Variants in SNW1 observed in about 807,000 individuals in gnomAD.
The protein encoded by SNW1 is SNW domain-containing protein 1.
SNW1 carries 9 observed loss-of-function variants against 75.6 expected under a neutral mutation model. The observed-to-expected ratio is 0.12, with a 90% CI of 0.07 to 0.21. SNW1 has a LOEUF of 0.21. SNW1 is among the 10% of genes least tolerant of loss of function. The pLI, the probability that SNW1 is intolerant of heterozygous loss-of-function variation, is 1.00. For synonymous variants in SNW1, 200 were observed against 219.1 expected, an observed-to-expected ratio of 0.91 and a Z score of 0.77; for missense variants, 409 against 670.9, an observed-to-expected ratio of 0.61 and a Z score of 4.31.
At chr14:77,755,450 ACT>A (rs2080836597) in intron 1 of SNW1, among the ~76,000 whole-genome samples, 1 of 151,678 alleles carries the variant, frequency 6.6e-6, no homozygotes, top group South Asian at 2.1e-4. Context: ...AAAGAGTCTC[ACT>A]CTGTTGCCCA....
intron 3 of SNW1, among the ~76,000 whole-genome samples, chr14:77,749,773 A>G (rs996979431): frequency 2.0e-5 from 3 of 152,234 alleles, no homozygotes; most frequent in Admixed American, 6.5e-5. Context: ...TGACAAGAAA[A>G]ACAAGCACAT....
chr14:77,747,383 C>T (rs2080769169), intron 3 of SNW1, among the ~76,000 whole-genome samples: 1 of 151,600 alleles, frequency 6.6e-6, no homozygotes, highest in Non-Finnish European at 1.5e-5. Context: ...CGCCCATCGT[C>T]TGGGATGTGA....
Position 77,718,079 on chromosome 14 carries a change from G to A in SNW1, c.*9C>T, listed in dbSNP as rs2080504065. The A allele has an allele frequency of 6.4e-7, 1 of 1,561,750 alleles. No homozygotes were observed. Among genetic ancestry groups the A allele is most frequent in the Admixed American group, 2.0e-5 (1 of 51,180 alleles). ...GGTAAGAGTTCATTCACTTTGGAGA[G>A]ACCTGTGCCTATTCCTTCCTCCTCT... is the stretch of plus-strand genomic sequence containing the variant. On this transcript the variant is annotated 3_prime_UTR_variant, in exon 14 of 14. Transcript: ENST00000261531.
chr14:77,725,199 T>C (rs2080575557), intron 10 of SNW1, among the ~76,000 whole-genome samples: 1 of 152,354 alleles, frequency 6.6e-6, no homozygotes, highest in African/African-American at 2.4e-5. Context: ...GATTATCTCG[T>C]TTCTTTGCGA....
chr14:77,736,399 CT>C (rs1331875895), intron 6 of SNW1, among the ~76,000 whole-genome samples: 1 of 151,832 alleles, frequency 6.6e-6, no homozygotes, highest in East Asian at 1.9e-4. Flanking sequence ...AATACAAAAA[CT>C]TAGCTGGGCA....
chr14:77,760,763 A>C, intron 1 of SNW1: 1 of 703,728 alleles, frequency 1.4e-6, no homozygotes, highest in Non-Finnish European at 2.6e-6. Context: ...CGCCCAAATA[A>C]GCCACTACCG....
rs534565504 is a variant in SNW1, at chr14:77,730,938, T to C, written c.1033+50A>G. ...AGGAAAAAGATTTTCTAAAATAAGA[T>C]ATATTTTGTTCACCAAGCAAAATTC... On this transcript the variant is annotated intron_variant, in intron 10 of 13. Coordinates refer to ENST00000261531, the MANE Select transcript of SNW1 (RefSeq NM_012245.3). 123 of 1,580,064 alleles carry C rather than the reference T, an allele frequency of 7.8e-5. No individual in the cohort carries two copies. The South Asian group carries it at 1.3e-3, about 17-fold the overall frequency.
At chr14:77,750,154 T>C (rs922977900) in intron 3 of SNW1, among the ~76,000 whole-genome samples, 1 of 152,182 alleles carries the variant, frequency 6.6e-6, no homozygotes, top group Non-Finnish European at 1.5e-5. Context: ...TGAGCCATCA[T>C]CGTGCCACTG....
chr14:77,725,536 C>G (rs562055538), intron 10 of SNW1, among the ~76,000 whole-genome samples: 1 of 152,310 alleles, frequency 6.6e-6, no homozygotes, highest in Admixed American at 6.5e-5. Context: ...TATTTTCATT[C>G]TTTTGCATGT....
At chr14:77,737,412 A>G (rs2080681893) in intron 5 of SNW1, among the ~76,000 whole-genome samples, 1 of 152,174 alleles carries the variant, frequency 6.6e-6, no homozygotes, top group Non-Finnish European at 1.5e-5. Flanking sequence ...AAAAACACTC[A>G]TAATAATCCC....
Position 77,719,640 on chromosome 14 carries a change from C to T in SNW1, c.1248+1071G>A, listed in dbSNP as rs1267810179. ...TGGGCGACAGAGTGGGACTCCATAT[C>T]AGAAAACAAAAACAAACAAAAAAAA... On this transcript the variant is annotated intron_variant, in intron 12 of 13. Coordinates refer to ENST00000261531, the MANE Select transcript of SNW1 (RefSeq NM_012245.3). Among the ~76,000 whole-genome samples the T allele has an allele frequency of 3.9e-5, 3 of 77,250 alleles. No homozygotes were observed. The Admixed American group carries it at 4.3e-4, about 11-fold the overall frequency. The allele number at this position is 77,250 out of a possible 152,430, so 50.7% of individuals were successfully genotyped here. A position where few individuals can be genotyped will look rare whatever the true frequency, so the allele number is the denominator to read the frequency against.
At chr14:77,755,304 G>A (rs1326931915) in intron 1 of SNW1, among the ~76,000 whole-genome samples, 184 bp from the exon 2 acceptor site, 2 of 152,164 alleles carry the variant, frequency 1.3e-5, no homozygotes, top group Admixed American at 6.6e-5. Context: ...GAAGACAGAA[G>A]TACTCAAAGA....
chr14:77,743,746 A>G (rs2080736834), intron 3 of SNW1, among the ~76,000 whole-genome samples: 1 of 152,100 alleles, frequency 6.6e-6, no homozygotes, highest in African/African-American at 2.4e-5. Flanking sequence ...AGTTAAGACA[A>G]TGGGGGTAGG....
chr14:77,735,956 A>G lies in SNW1; in HGVS notation c.689T>C (p.Met230Thr). Residue 230 changes from methionine (M) to threonine (T), a missense_variant, in exon 7 of 14, where the codon ATG (methionine) becomes ACG (threonine). Met to Thr is a moderately conservative substitution (Grantham distance 81, BLOSUM62 -1). This residue lies in a region of SNW1 where 70 missense variants were observed against 136.7 expected (regional missense o/e 0.51). Transcript: ENST00000261531. ...GAATACCTTTCGGCTAGGAGAATGC[A>G]TGACAGGCGCAGGAGGAGAAGGTGG... Reference protein sequence around the residue: ...RGPPSPPAPVMHSPSRKMTVK... With the variant: ...RGPPSPPAPVTHSPSRKMTVK... The G allele has an allele frequency of 6.2e-7, 1 of 1,613,946 alleles. No homozygotes were observed. Among genetic ancestry groups the G allele is most frequent in the Non-Finnish European group, 8.5e-7 (1 of 1,179,862 alleles).
At chr14:77,747,496 C>T (rs1173195716) in intron 3 of SNW1, among the ~76,000 whole-genome samples, 2 of 151,144 alleles carry the variant, frequency 1.3e-5, no homozygotes, top group African/African-American at 2.4e-5. Context: ...GGCCGCCCAT[C>T]GTCTGAGATG....
At chr14:77,757,328 C>T (rs968936136) in intron 1 of SNW1, among the ~76,000 whole-genome samples, 29 of 152,152 alleles carry the variant, frequency 1.9e-4, no homozygotes, top group Non-Finnish European at 5.9e-5. Flanking sequence ...CTAATCCAGT[C>T]TGGGGAGGTA....
At position 77,760,668 on chromosome 14, in the gene SNW1, G is replaced by A. The variant is rs114180587; in HGVS notation, c.14+446C>T. On this transcript the variant is annotated intron_variant, in intron 1 of 13. Transcript: ENST00000261531. ...CTTTTTTCAGGAATCCTTGTTTCGG[G>A]ACACCCAGTGGACAGCGAAAGGAGA... 3.4e-3 allele frequency: 2,376 copies of A among 702,310 alleles called. 50 individuals carry two copies. The African/African-American group carries it at 0.037, about 11-fold the overall frequency. The allele number at this position is 702,310 out of a possible 1,614,324, so 43.5% of individuals were successfully genotyped here.
chr14:77,720,411 A>G, intron 12 of SNW1: 1 of 672,560 alleles, frequency 1.5e-6, no homozygotes, highest in Non-Finnish European at 2.7e-6. Context: ...TTGGGATTAC[A>G]GGCAAAAGCC....
Position 77,723,190 on chromosome 14 carries a change from G to A in SNW1, c.1121C>T (p.Pro374Leu). Residue 374 changes from proline to leucine, a missense_variant, in exon 11 of 14, where the codon CCT becomes CTT. Pro to Leu is a moderately conservative substitution (Grantham distance 98). Around this residue, in one of 9 missense-constraint regions of SNW1, gnomAD observed 126 missense variants for 167.6 expected, o/e 0.75. Coordinates refer to ENST00000261531, the MANE Select transcript of SNW1 (RefSeq NM_012245.3). Reference sequence around the variant, plus strand: ...CTTAAATAACACCTACCTCTTATCAGGAGCTGCCCTGGAAAGATTCCGGTC... The same window carrying A: ...CTTAAATAACACCTACCTCTTATCAAGAGCTGCCCTGGAAAGATTCCGGTC... ...QHDRNLSRAA[P>L]DKRSKLQRNE... The A allele has an allele frequency of 6.2e-7, 1 of 1,613,748 alleles. No homozygotes were observed.
Sources: allele counts gnomAD v4.1 joint callset (sites outside exome capture counted in the v4.1 genomes callset), GRCh38; gene constraint gnomAD v4.1.1; regional missense constraint gnomAD v4.1.1; transcripts MANE v1.5; gene names NCBI Gene and HGNC (gene_info 2026-07-23, HGNC 2026-07-21).